RPRD1A: variants seen among roughly 807,000 people sequenced by gnomAD.
RPRD1A encodes regulation of nuclear pre-mRNA domain containing 1A, also known as regulation of nuclear pre-mRNA domain-containing protein 1A.
A neutral mutation model predicts 37.8 loss-of-function variants in RPRD1A; 9 were observed. That is an observed-to-expected ratio of 0.24 (90% CI 0.14 to 0.42). The LOEUF (loss-of-function observed/expected upper bound fraction) is 0.42. Ranked by LOEUF, RPRD1A falls within the 10% of genes least tolerant of loss-of-function variation. The pLI is 1.00. For missense variants in RPRD1A, 255 were observed against 371.0 expected (o/e 0.69, Z 2.57); for synonymous variants, 138 against 139.7 (o/e 0.99, Z 0.08).
At chr18:36,044,425 C>T (rs1379366636) in intron 1 of RPRD1A, among the ~76,000 whole-genome samples, 1 of 152,184 alleles carries the variant, frequency 6.6e-6, no homozygotes, top group Non-Finnish European at 1.5e-5. Context: ...CAGAAGCTCA[C>T]ACCTGTAATC....
At chr18:36,032,254 C>A (rs1181475744) in intron 2 of RPRD1A, among the ~76,000 whole-genome samples, 1 of 138,832 alleles carries the variant, frequency 7.2e-6, no homozygotes, top group African/African-American at 2.9e-5. Flanking sequence ...TCCAGTAGAA[C>A]AAAACTGTCT....
At chr18:35,996,541 T>A (rs1391359620) in intron 6 of RPRD1A, among the ~76,000 whole-genome samples, 1 of 152,168 alleles carries the variant, frequency 6.6e-6, no homozygotes, top group African/African-American at 2.4e-5. Flanking sequence ...TTTTGATACA[T>A]CAAAATTGAT....
chr18:36,000,180 G>C (rs1174798888), intron 6 of RPRD1A, among the ~76,000 whole-genome samples: 1 of 152,124 alleles, frequency 6.6e-6, no homozygotes, highest in Non-Finnish European at 1.5e-5. Context: ...TCAGTGGTTT[G>C]CCCTCACCTT....
intron 1 of RPRD1A, among the ~76,000 whole-genome samples, chr18:36,039,859 C>T (rs374923045): frequency 3.3e-5 from 5 of 151,836 alleles, no homozygotes; most frequent in Admixed American, 6.6e-5. Context: ...CACACACACA[C>T]GCATGCACAC....
chr18:36,018,546 T>C (rs567698491), intron 6 of RPRD1A, among the ~76,000 whole-genome samples: 1 of 152,304 alleles, frequency 6.6e-6, no homozygotes, highest in African/African-American at 2.4e-5. Context: ...GTGCTAGGAT[T>C]ACAGGCGTGA....
chr18:36,022,338 C>T lies in RPRD1A; in HGVS notation c.789+4562G>A, dbSNP rs554113754. ...AGGCTCTAGCTAAGGTCGTTGATGACGGTGGCTACACTAAACAACAGATTT... is the reference window on the plus strand; with the variant it reads ...AGGCTCTAGCTAAGGTCGTTGATGATGGTGGCTACACTAAACAACAGATTT... On this transcript the variant is annotated intron_variant, in intron 6 of 6. Transcript: ENST00000399022. Among the ~76,000 whole-genome samples the T allele has an allele frequency of 9.9e-5, 15 of 152,272 alleles. No homozygotes were observed. In the South Asian group the frequency reaches 1.9e-3, roughly 19 times the overall value.
chr18:36,058,563 A>G (rs1913955256), intron 1 of RPRD1A, among the ~76,000 whole-genome samples: 1 of 152,208 alleles, frequency 6.6e-6, no homozygotes, highest in Non-Finnish European at 1.5e-5. Flanking sequence ...AGAGAACCTA[A>G]ATAAAATTAC....
intron 6 of RPRD1A, chr18:36,025,011 A>G (rs1598624851): frequency 6.6e-6 from 1 of 152,376 alleles, no homozygotes; most frequent in African/African-American, 2.4e-5. Context: ...CAGAAGAACA[A>G]CAAAAAAAGT....
intron 6 of RPRD1A, among the ~76,000 whole-genome samples, chr18:36,015,645 G>A (rs1291302151): frequency 6.6e-6 from 1 of 152,148 alleles, no homozygotes; most frequent in African/African-American, 2.4e-5. Flanking sequence ...GCCTTAAAAA[G>A]GAAGGAAATT....
intron 1 of RPRD1A, among the ~76,000 whole-genome samples, chr18:36,050,041 T>C (rs1293814793): frequency 6.6e-6 from 1 of 152,064 alleles, no homozygotes; most frequent in African/African-American, 2.4e-5. Flanking sequence ...CTTGTGCTTT[T>C]GATGTGCATA....
chr18:36,000,237 T>G (rs1909333280), intron 6 of RPRD1A, among the ~76,000 whole-genome samples: 3 of 152,170 alleles, frequency 2.0e-5, no homozygotes. Context: ...ATCCTGGAAT[T>G]GACAATTTTA....
chr18:36,003,756 T>G (rs924128213), intron 6 of RPRD1A, among the ~76,000 whole-genome samples: 1 of 152,230 alleles, frequency 6.6e-6, no homozygotes, highest in Non-Finnish European at 1.5e-5. Flanking sequence ...TGCAATGATA[T>G]CAAAATTATC....
intron 1 of RPRD1A, among the ~76,000 whole-genome samples, chr18:36,053,193 C>G (rs945149888): frequency 1.3e-5 from 2 of 152,198 alleles, no homozygotes; most frequent in South Asian, 2.1e-4. Context: ...ATCTCACATA[C>G]CATAAATTTA....
chr18:36,025,993 A>G, intron 6 of RPRD1A: 1 of 177,056 alleles, frequency 5.6e-6, no homozygotes, highest in Non-Finnish European at 1.2e-5. Flanking sequence ...TGCTAACTTG[A>G]GAGCTGGGAA....
At chr18:36,051,292 T>C (rs931250742) in intron 1 of RPRD1A, among the ~76,000 whole-genome samples, 16 of 152,198 alleles carry the variant, frequency 1.1e-4, no homozygotes, top group Non-Finnish European at 2.2e-4. Context: ...TGGACCCATA[T>C]AACCCCCTAA....
intron 1 of RPRD1A, among the ~76,000 whole-genome samples, chr18:36,060,602 C>T (rs547844972): frequency 2.6e-5 from 4 of 152,234 alleles, no homozygotes; most frequent in South Asian, 2.1e-4. Context: ...TTTCATCAAA[C>T]GCAGTATGCT....
intron 1 of RPRD1A, among the ~76,000 whole-genome samples, chr18:36,055,867 A>C (rs993498241): frequency 6.6e-6 from 1 of 152,182 alleles, no homozygotes; most frequent in Non-Finnish European, 1.5e-5. Flanking sequence ...ATGCAACAGA[A>C]TGAGAATGAA....
At chr18:36,001,339 A>C (rs1374234236) in intron 6 of RPRD1A, among the ~76,000 whole-genome samples, 2 of 152,180 alleles carry the variant, frequency 1.3e-5, no homozygotes, top group African/African-American at 4.8e-5. Flanking sequence ...AATCAAGCAG[A>C]GAGAAGGAAT....
chr18:36,031,383 G>A (rs1165159032), intron 2 of RPRD1A, among the ~76,000 whole-genome samples: 2 of 152,110 alleles, frequency 1.3e-5, no homozygotes, highest in East Asian at 3.9e-4. Context: ...CTATCCTAAT[G>A]GGGCCTGGAC....
Sources: gnomAD v4.1 joint callset for allele counts (sites outside exome capture counted in the v4.1 genomes callset) on GRCh38, gnomAD v4.1.1 for gene constraint, MANE v1.5 for transcripts, NCBI Gene and HGNC (gene_info 2026-07-23, HGNC 2026-07-21) for gene names.